NT5DC3: variants seen among roughly 807,000 people sequenced by gnomAD.
NT5DC3 encodes the protein 5'-nucleotidase domain-containing protein 3.
Under a neutral mutation model 67.8 loss-of-function variants are expected in NT5DC3, and 42 were observed. The observed-to-expected ratio is 0.62, with a 90% CI of 0.48 to 0.80. NT5DC3 has a LOEUF of 0.80. Among genes scored for constraint, NT5DC3 ranks in the 30% least tolerant of loss-of-function variants. NT5DC3 has a pLI of 0.00. For missense variants in NT5DC3, 570 were observed against 696.4 expected (o/e 0.82, Z 2.04); for synonymous variants, 237 against 255.6 (o/e 0.93, Z 0.69).
intron 1 of NT5DC3, among the ~76,000 whole-genome samples, chr12:103,825,177 C>T (rs764078348): frequency 1.5e-4 from 23 of 152,070 alleles, no homozygotes; most frequent in Non-Finnish European, 2.4e-4. Context: ...GCATCGTCTC[C>T]GAGGAGAAGC....
At chr12:103,805,463 A>G (rs1886758197) in intron 4 of NT5DC3, among the ~76,000 whole-genome samples, 1 of 152,224 alleles carries the variant, frequency 6.6e-6, no homozygotes, top group Non-Finnish European at 1.5e-5. Context: ...CATACTTTTA[A>G]GTATAAGCTG....
chr12:103,770,158 C>G (rs1333185744), downstream of NT5DC3, among the ~76,000 whole-genome samples: 1 of 152,184 alleles, frequency 6.6e-6, no homozygotes, highest in Non-Finnish European at 1.5e-5. Flanking sequence ...CTTCCATTCA[C>G]TGAAAGAAAA....
intron 6 of NT5DC3, among the ~76,000 whole-genome samples, chr12:103,794,615 G>A (rs1185288193): frequency 6.6e-6 from 1 of 152,242 alleles, no homozygotes; most frequent in Non-Finnish European, 1.5e-5. Flanking sequence ...ATCCAGTACT[G>A]TGAACAAATG....
intron 2 of NT5DC3, among the ~76,000 whole-genome samples, chr12:103,814,126 C>A (rs551174234): frequency 1.3e-5 from 2 of 152,208 alleles, no homozygotes; most frequent in Non-Finnish European, 2.9e-5. Flanking sequence ...TGGTTCTCCA[C>A]GGGCAATGCC....
At chr12:103,812,767 T>G (rs1160720059) in intron 2 of NT5DC3, among the ~76,000 whole-genome samples, 1 of 152,088 alleles carries the variant, frequency 6.6e-6, no homozygotes, top group Non-Finnish European at 1.5e-5. Context: ...AACCTCAGTT[T>G]CCTCAGCTGT....
At chr12:103,761,498 T>G in the NT5DC3 span, 24 of 1,145,074 alleles carry the variant, frequency 2.1e-5, no homozygotes, top group Non-Finnish European at 3.1e-5. Context: ...AGCCCTGTCC[T>G]CCTCCCTCTT....
At chr12:103,807,626 G>T (rs929172850) in intron 2 of NT5DC3, among the ~76,000 whole-genome samples, 1 of 152,156 alleles carries the variant, frequency 6.6e-6, no homozygotes, top group African/African-American at 2.4e-5. Context: ...CATGGATTAC[G>T]GTTACTATCC....
chr12:103,800,282 T>C (rs936817235), intron 4 of NT5DC3, among the ~76,000 whole-genome samples: 2 of 152,230 alleles, frequency 1.3e-5, no homozygotes, highest in Non-Finnish European at 2.9e-5. Flanking sequence ...CTGTTACAAC[T>C]ACTGGCCTTT....
At chr12:103,824,111 T>C (rs1346790572) in intron 1 of NT5DC3, among the ~76,000 whole-genome samples, 1 of 152,246 alleles carries the variant, frequency 6.6e-6, no homozygotes, top group Non-Finnish European at 1.5e-5. Flanking sequence ...CAACAAATGT[T>C]ATTTGATATA....
chr12:103,751,446 C>T, the NT5DC3 span, among the ~76,000 whole-genome samples: 1 of 152,146 alleles, frequency 6.6e-6, no homozygotes, highest in Non-Finnish European at 1.5e-5. Context: ...TCAGCCATGA[C>T]ATAAAGTTTC....
the NT5DC3 span, among the ~76,000 whole-genome samples, chr12:103,754,495 A>C: frequency 1.3e-5 from 2 of 152,140 alleles, no homozygotes; most frequent in South Asian, 4.1e-4. Context: ...GTGTTGACAC[A>C]TGAAAAACTC....
intron 11 of NT5DC3, among the ~76,000 whole-genome samples, chr12:103,786,408 G>A (rs557635425): frequency 3.3e-5 from 5 of 152,310 alleles, no homozygotes; most frequent in South Asian, 4.1e-4. Context: ...GGCATGTTAA[G>A]AAGCAACAAG....
the NT5DC3 span, chr12:103,755,342 G>A: frequency 6.2e-7 from 1 of 1,614,152 alleles, no homozygotes; most frequent in Non-Finnish European, 8.5e-7. Context: ...CTGGAGACCG[G>A]GCGGGTTGCC....
chr12:103,836,307 A>G (rs952437236), intron 1 of NT5DC3, among the ~76,000 whole-genome samples: 4 of 152,226 alleles, frequency 2.6e-5, no homozygotes, highest in Non-Finnish European at 5.9e-5. Flanking sequence ...CTAAGACAAG[A>G]TAAGTCCCTT....
At chr12:103,840,910 G>C (rs1424473361) in intron 1 of NT5DC3, 39 bp downstream of exon 1, 1 of 1,251,682 alleles carries the variant, frequency 8.0e-7, no homozygotes, top group Non-Finnish European at 1.0e-6. Flanking sequence ...CGCGCAGGAG[G>C]GGCCCCAGGC....
At chr12:103,752,135 AG>A in the NT5DC3 span, among the ~76,000 whole-genome samples, 1 of 152,244 alleles carries the variant, frequency 6.6e-6, no homozygotes, top group Non-Finnish European at 1.5e-5. Flanking sequence ...AATTGAAAAA[AG>A]ATAAGCATAC....
At chr12:103,800,671 G>A (rs534221454) in intron 4 of NT5DC3, among the ~76,000 whole-genome samples, 87 of 152,342 alleles carry the variant, frequency 5.7e-4, no homozygotes, top group African/African-American at 2.1e-3. Context: ...AGCAGGCATG[G>A]GCAGATTGCC....
At chr12:103,812,595 A>G (rs1432145265) in intron 2 of NT5DC3, among the ~76,000 whole-genome samples, 2 of 152,196 alleles carry the variant, frequency 1.3e-5, no homozygotes, top group African/African-American at 2.4e-5. Context: ...TTGCATCTGA[A>G]CAAAAAAAAC....
At chr12:103,759,247 A>G in the NT5DC3 span, 2 of 1,614,128 alleles carry the variant, frequency 1.2e-6, no homozygotes, top group Admixed American at 1.7e-5. Context: ...GCTGCTCATC[A>G]CTGCCAGCCA....
Sources: allele counts gnomAD v4.1 joint callset (sites outside exome capture counted in the v4.1 genomes callset), GRCh38; gene constraint gnomAD v4.1.1; transcripts MANE v1.5; gene names NCBI Gene and HGNC (gene_info 2026-07-23, HGNC 2026-07-21).